Variants in TULP4 observed in about 807,000 individuals in gnomAD.
The protein encoded by TULP4 is TUB like protein 4, also known as tubby-related protein 4.
Under a neutral mutation model 129.0 loss-of-function variants are expected in TULP4, and 16 were observed. That is an observed-to-expected ratio of 0.12 (90% CI 0.08 to 0.19). TULP4 has a LOEUF of 0.19. Ranked by LOEUF, TULP4 falls within the 10% of genes least tolerant of loss-of-function variation. TULP4 has a pLI of 1.00. For missense variants in TULP4, 1,842 were observed against 2,059.1 expected (o/e 0.89, Z 2.04); for synonymous variants, 998 against 854.0 (o/e 1.17, Z -2.94).
In TULP4 at chr6:158,239,482, C is replaced by A. The variant is rs866982643; in HGVS notation, n.68+7179C>A. Among the ~76,000 whole-genome samples, 99 of 60,132 alleles carry A rather than the reference C, an allele frequency of 1.6e-3. 3 individuals are homozygous for A. The highest frequency in any genetic ancestry group is 4.1e-3 in the African/African-American group (68 of 16,482). The allele number at this position is 60,132 out of a possible 152,430, so 39.4% of individuals were successfully genotyped here. On this transcript the variant is annotated intron_variant and non_coding_transcript_variant, in intron 1 of 1. Transcript: ENST00000620026. ...GGGGCTGACCCCCCCACCTCCCTCC[C>A]GGACGGGGAGGCTGGCCGGGCAGAG...
intron 11 of TULP4, among the ~76,000 whole-genome samples, chr6:158,497,528 C>T (rs1019299214): frequency 1.3e-5 from 2 of 152,160 alleles, no homozygotes; most frequent in African/African-American, 2.4e-5. Flanking sequence ...ACTTTTCTTT[C>T]CTGGAGGTAA....
At chr6:158,279,193 C>T (rs142272975), upstream of TULP4, among the ~76,000 whole-genome samples, 430 of 152,168 alleles carry the variant, frequency 2.8e-3, no homozygotes, top group African/African-American at 9.9e-3. Context: ...CCGCCTGCCT[C>T]GGCCTCCCTA....
chr6:158,298,248 T>C (rs895736663), intron 1 of TULP4, among the ~76,000 whole-genome samples: 5 of 152,204 alleles, frequency 3.3e-5, no homozygotes, highest in African/African-American at 1.2e-4. Context: ...TACAATCAAT[T>C]TGTACAGTTA....
chr6:158,394,786 CA>C (rs71030166), intron 1 of TULP4, among the ~76,000 whole-genome samples: 1,053 of 45,840 alleles, frequency 0.023, 1 homozygote, highest in African/African-American at 0.037. Context: ...GGCTCTGTCT[CA>C]AAAAAAAAAA....
rs377171920 is a variant in TULP4 at position 158,385,794 on chromosome 6, G to T, written c.253-27271G>T. Among the ~76,000 whole-genome samples, 30 of 134,426 alleles carry T rather than the reference G, an allele frequency of 2.2e-4. 2 individuals carry two copies. The East Asian group carries it at 2.3e-3, about 10-fold the overall frequency. 88.2% of individuals were successfully genotyped at this position (134,426 alleles called of 152,430 possible). A position where few individuals can be genotyped will look rare whatever the true frequency, so the allele number is the denominator to read the frequency against. On this transcript the variant is annotated intron_variant, in intron 1 of 13. Transcript: ENST00000367097. The stretch of plus-strand genomic sequence containing the variant: ...AAATAGTCTTGCCATCAGATATGAT[G>T]ACATGCAGCTCAGCTTATGTCAGGA...
At chr6:158,244,713 C>T (rs1044328521) in intron 1 of TULP4, among the ~76,000 whole-genome samples, 2 of 152,020 alleles carry the variant, frequency 1.3e-5, no homozygotes, top group Admixed American at 6.6e-5. Flanking sequence ...CTGTTGTGGC[C>T]GGGCATGGTG....
rs139819403 is a variant in TULP4, at chr6:158,463,398, G to A, written c.1026+1669G>A. ...GTGGAGGATGAATTATCAGCAGCGC[G>A]TAATAGACGTATGCCTGGGAGGGAG... On this transcript the variant is annotated intron_variant, in intron 6 of 13. Coordinates refer to ENST00000367097, the MANE Select transcript of TULP4 (RefSeq NM_020245.5). Among the ~76,000 whole-genome samples the A allele has an allele frequency of 2.6e-3, 390 of 152,038 alleles. 4 individuals carry two copies. The highest frequency in any genetic ancestry group is 9.0e-3 in the African/African-American group (374 of 41,460).
Position 158,502,258 on chromosome 6 carries a change from G to C in TULP4, c.2595G>C (p.Leu865Phe). The C allele has an allele frequency of 6.4e-7, 1 of 1,569,962 alleles. No individual in the cohort carries two copies. Among genetic ancestry groups the C allele is most frequent in the Non-Finnish European group, 8.7e-7 (1 of 1,146,848 alleles). ...PPPQPPVDVC[L>F]KKGDFSLYPT... ...CACAGCCCCCAGTGGATGTGTGCTT[G>C]AAGAAGGGCGACTTCTCCCTCTACC... The change falls in exon 13 of 14, where the codon TTG (leucine) becomes TTC (phenylalanine). Residue 865 changes from leucine (L) to phenylalanine (F), a missense_variant. This residue lies in a region of TULP4 where 1,089 missense variants were observed against 987.1 expected (regional missense o/e 1.10). Coordinates refer to ENST00000367097, the MANE Select transcript of TULP4 (RefSeq NM_020245.5).
intron 1 of TULP4, among the ~76,000 whole-genome samples, chr6:158,371,875 C>T (rs964020096): frequency 6.6e-6 from 1 of 152,142 alleles, no homozygotes; most frequent in African/African-American, 2.4e-5. Flanking sequence ...AGTGCAGTGG[C>T]ACGATTTCAG....
At chr6:158,468,144 A>C (rs1339464020) in intron 6 of TULP4, among the ~76,000 whole-genome samples, 2 of 152,250 alleles carry the variant, frequency 1.3e-5, no homozygotes, top group African/African-American at 4.8e-5. Context: ...AGTAAGATTA[A>C]TTAACAAAAG....
At chr6:158,247,826 A>G (rs1778055232) in intron 1 of TULP4, among the ~76,000 whole-genome samples, 1 of 152,266 alleles carries the variant, frequency 6.6e-6, no homozygotes, top group Non-Finnish European at 1.5e-5. Flanking sequence ...CCGAGCTGTT[A>G]GTGCCGGGGC....
chr6:158,270,995 C>G (rs1327129618), intron 1 of TULP4, among the ~76,000 whole-genome samples: 6 of 151,940 alleles, frequency 3.9e-5, no homozygotes, highest in Non-Finnish European at 7.4e-5. Context: ...ATTAAAAATA[C>G]AAAAATTACC....
chr6:158,425,526 AAAAAAAAAAAT>A (rs1340729847), intron 2 of TULP4, among the ~76,000 whole-genome samples: 1 of 149,216 alleles, frequency 6.7e-6, no homozygotes, highest in African/African-American at 2.5e-5. Context: ...AAAAAAAAAA[AAAAAAAAAAAT>A]GGCAGCCGAC....
intron 1 of TULP4, among the ~76,000 whole-genome samples, chr6:158,386,875 C>T (rs1468861624): frequency 6.6e-6 from 1 of 152,128 alleles, no homozygotes; most frequent in Non-Finnish European, 1.5e-5. Context: ...GTTAGAATGT[C>T]TATCTAGTAC....
At chr6:158,442,420 C>T (rs1049976230) in intron 3 of TULP4, among the ~76,000 whole-genome samples, 3 of 152,068 alleles carry the variant, frequency 2.0e-5, no homozygotes, top group African/African-American at 4.8e-5. Context: ...GCCCCACTAG[C>T]TGACCCCCAG....
At position 158,494,776 on chromosome 6, in the gene TULP4, G is replaced by A. The variant is rs139136633; in HGVS notation, c.1800G>A (p.Thr600=). ...ITQHNYLAQV[T]SNIWGTKFKI... is the part of the protein sequence containing the mutation. ...AGCACAACTATCTTGCTCAGGTCAC[G>A]TCTAATATCTGGGGAACCAAATTTA... The change falls in exon 11 of 14, where the codon ACG becomes ACA. Residue 600 remains threonine, a synonymous_variant. Transcript: ENST00000367097. 364 of 1,613,944 alleles carry A rather than the reference G, an allele frequency of 2.3e-4. 1 individual carries two copies. The East Asian group carries it at 6.7e-3, about 30-fold the overall frequency.
At chr6:158,414,005 C>T (rs2115012159) in intron 2 of TULP4, among the ~76,000 whole-genome samples, 1 of 152,364 alleles carries the variant, frequency 6.6e-6, no homozygotes, top group East Asian at 1.9e-4. Context: ...GATTCTCATC[C>T]TTCCCTCGCC....
intron 9 of TULP4, among the ~76,000 whole-genome samples, chr6:158,492,019 C>T (rs766291665): frequency 1.8e-4 from 28 of 151,968 alleles, no homozygotes; most frequent in Non-Finnish European, 2.9e-4. Flanking sequence ...CCACCACGCC[C>T]GGCTAATTTT....
upstream of TULP4, among the ~76,000 whole-genome samples, chr6:158,278,526 A>G (rs1778685930): frequency 6.6e-6 from 1 of 152,156 alleles, no homozygotes; most frequent in Non-Finnish European, 1.5e-5. Context: ...TTCAATACAT[A>G]TACTTAGATC....
Sources: gnomAD v4.1 joint callset for allele counts (sites outside exome capture counted in the v4.1 genomes callset) on GRCh38, gnomAD v4.1.1 for gene constraint, gnomAD v4.1.1 regional missense constraint, MANE v1.5 for transcripts, NCBI Gene and HGNC (gene_info 2026-07-23, HGNC 2026-07-21) for gene names.